UBR4: variants seen among roughly 807,000 people sequenced by gnomAD.
UBR4 encodes ubiquitin protein ligase E3 component n-recognin 4, also known as E3 ubiquitin-protein ligase UBR4.
UBR4 carries 124 observed loss-of-function variants against 575.6 expected under a neutral mutation model. The observed-to-expected ratio is 0.22, with a 90% CI of 0.19 to 0.25. The LOEUF (loss-of-function observed/expected upper bound fraction) is 0.25, where lower values mean the gene tolerates loss of function less well. UBR4 is among the 10% of genes least tolerant of loss of function. UBR4 has a pLI of 1.00. For missense variants in UBR4, 4,818 were observed against 6,478.8 expected (o/e 0.74, Z 8.80); for synonymous variants, 2,455 against 2,473.7 (o/e 0.99, Z 0.22).
chr1:19,154,778 T>C lies in UBR4; in HGVS notation c.6458+140A>G, dbSNP rs912994015. The stretch of plus-strand genomic sequence containing the variant: ...CCCGGATGTTCCTTGATTTTAAAGA[T>C]ACCTAGCAGGGGAGAAAAAAAGGTT... On this transcript the variant is annotated intron_variant, in intron 44 of 105. Transcript: ENST00000375254. 48 of 1,214,410 alleles carry C rather than the reference T, an allele frequency of 4.0e-5. No individual in the cohort carries two copies. The Middle Eastern group carries it at 1.5e-3, about 37-fold the overall frequency. The allele number at this position is 1,214,410 out of a possible 1,614,324, so 75.2% of individuals were successfully genotyped here.
Position 19,164,839 on chromosome 1 carries a change from G to A in UBR4, c.4471C>T (p.Leu1491=), listed in dbSNP as rs768937780. ...ATGTATGTGGTCAGTAACTGCAGCA[G>A]CTGCCGGTTCTCCTGAATTACATCC... The part of the protein sequence containing the change: ...QLDVIQENRQ[L]LQLLTTYIVR... The change falls in exon 32 of 106, where the codon CTG becomes TTG. Residue 1491 remains leucine (L), a synonymous_variant. Transcript: ENST00000375254. 6.2e-7 allele frequency: 1 copy of A among 1,614,230 alleles called. No homozygotes were observed. Among genetic ancestry groups the A allele is most frequent in the South Asian group, 1.1e-5 (1 of 91,084 alleles).
At chr1:19,156,669 C>T in intron 41 of UBR4, 98 bp downstream of exon 41, 1 of 1,488,900 alleles carries the variant, frequency 6.7e-7, no homozygotes, top group Admixed American at 2.3e-5. Context: ...AAATTTTAAT[C>T]TCCACAACGA....
intron 102 of UBR4, among the ~76,000 whole-genome samples, chr1:19,082,392 A>G (rs901050804): frequency 6.6e-6 from 1 of 152,266 alleles, no homozygotes; most frequent in African/African-American, 2.4e-5. Context: ...CATCGTGGAA[A>G]AAACTGTGTT....
chr1:19,106,704 G>A lies in UBR4; in HGVS notation c.12258C>T (p.Ala4086=), dbSNP rs1178852426. The A allele has an allele frequency of 6.2e-7, 1 of 1,602,478 alleles. No homozygotes were observed. Among genetic ancestry groups the A allele is most frequent in the Non-Finnish European group, 8.5e-7 (1 of 1,173,612 alleles). Residue 4086 remains alanine (A), a synonymous_variant, in exon 83 of 106, where the codon GCC becomes GCT. Transcript: ENST00000375254. ...GATGGCGGAGCTCTGATTTGCTGGG[G>A]GCTTTCCCATTGCCATCTATCCCTG... ...PIRGIDGNGK[A]PSKSELRHLY... is the part of the protein sequence containing the mutation.
chr1:19,120,789 G>C (rs2081089167), intron 68 of UBR4, among the ~76,000 whole-genome samples: 1 of 152,186 alleles, frequency 6.6e-6, no homozygotes, highest in African/African-American at 2.4e-5. Flanking sequence ...AGGTCTCCAA[G>C]GACCATGGAA....
At chr1:19,105,562 GACC>G (rs1353526439) in intron 84 of UBR4, among the ~76,000 whole-genome samples, 168 bp downstream of exon 84, 2 of 152,066 alleles carry the variant, frequency 1.3e-5, no homozygotes, top group African/African-American at 2.4e-5. Context: ...TCACCACAAC[GACC>G]ACCACCACTA....
In UBR4 at chr1:19,165,250, C is replaced by T. The variant is rs1471070993; in HGVS notation, c.4311G>A (p.Leu1437=). The T allele has an allele frequency of 6.2e-7, 1 of 1,613,412 alleles. No individual in the cohort carries two copies. The change falls in exon 31 of 106, where the codon CTG becomes CTA. Residue 1437 remains leucine (L), a splice_region_variant and synonymous_variant. Coordinates refer to ENST00000375254, the MANE Select transcript of UBR4 (RefSeq NM_020765.3). ...AGATTACTAAAAGCTGTCACTCACT[C>T]AGCTGGAAGAGTTTGGTGAAGAATT... The part of the protein sequence containing the change: ...VLKFFTKLFQ[L]TEKSPNPSLL...
In UBR4 at chr1:19,210,095, G is replaced by A; in HGVS notation, c.154C>T (p.Leu52=). ...SAFEMKELPQ[L]VASVIESESE... ...TACCTCTCGATGACTGAGGCCACCA[G>A]CTGCGGCAACTCCTTCATCTCGAAG... The change falls in exon 1 of 106, where the codon CTG becomes TTG. Residue 52 remains leucine (L), a synonymous_variant. Transcript: ENST00000375254. 1 of 1,578,142 alleles carries A rather than the reference G, an allele frequency of 6.3e-7. No individual in the cohort carries two copies. The highest frequency in any genetic ancestry group is 8.6e-7 in the Non-Finnish European group (1 of 1,164,928).
At chr1:19,095,985 T>G (rs2077999892) in intron 92 of UBR4, 2 of 260,348 alleles carry the variant, frequency 7.7e-6, no homozygotes, top group Non-Finnish European at 1.5e-5. Flanking sequence ...GTAAAGAAAA[T>G]GATCCCAAAG....
chr1:19,160,879 ACT>A, intron 38 of UBR4, 36 bp downstream of exon 38: 3 of 1,601,012 alleles, frequency 1.9e-6, no homozygotes, highest in Non-Finnish European at 2.6e-6. Flanking sequence ...CAGGCTCTGA[ACT>A]CTGTCTGCTT....
chr1:19,130,600 G>A (rs990678558), intron 60 of UBR4, among the ~76,000 whole-genome samples: 2 of 152,222 alleles, frequency 1.3e-5, no homozygotes, highest in Non-Finnish European at 2.9e-5. Context: ...AAAGGAATGA[G>A]CTAACTGTTC....
Position 19,192,283 on chromosome 1 carries a change from C to T in UBR4, c.1299G>A (p.Gly433=), listed in dbSNP as rs2092145805. 1 of 1,614,040 alleles carries T rather than the reference C, an allele frequency of 6.2e-7. No individual in the cohort carries two copies. Among genetic ancestry groups the T allele is most frequent in the Non-Finnish European group, 8.5e-7 (1 of 1,180,040 alleles). ...GGGCAGCCAGTGGGTCCTTCTCTTT[C>T]CCCTTATCAGCCAACGCAGTAGGAC... The part of the protein sequence containing the change: ...NLSPTALADK[G]KEKDPLAALR... Residue 433 remains glycine (G), a synonymous_variant, in exon 11 of 106, where the codon GGG becomes GGA. Coordinates refer to ENST00000375254, the MANE Select transcript of UBR4 (RefSeq NM_020765.3).
At position 19,086,157 on chromosome 1, in the gene UBR4, G is replaced by C; in HGVS notation, c.14801C>G (p.Thr4934Ser). Residue 4934 changes from threonine (T) to serine (S), a missense_variant, in exon 101 of 106, where the codon ACT (threonine) becomes AGT (serine). Physicochemically the swap from Thr to Ser is moderately conservative, Grantham distance 58. Around this residue, in one of 29 missense-constraint regions of UBR4, gnomAD observed 196 missense variants for 386.8 expected, o/e 0.51. Transcript: ENST00000375254. Reference protein sequence around the residue: ...GPHVPESAFATCLARHNTYLQ... With the variant: ...GPHVPESAFASCLARHNTYLQ... The stretch of plus-strand genomic sequence containing the variant: ...ACTCAACACTCACCTTGCCAAGCAA[G>C]TGGCAAAAGCTGATTCAGGGACATG... The C allele has an allele frequency of 6.2e-7, 1 of 1,613,964 alleles. No homozygotes were observed. The highest frequency in any genetic ancestry group is 8.5e-7 in the Non-Finnish European group (1 of 1,180,008).
At chr1:19,200,965 G>C (rs998389043) in intron 2 of UBR4, among the ~76,000 whole-genome samples, 5 of 152,154 alleles carry the variant, frequency 3.3e-5, no homozygotes, top group African/African-American at 1.2e-4. Context: ...GCAACATAGA[G>C]AGACCCTGTC....
At chr1:19,096,113 A>T (rs2078014271) in intron 92 of UBR4, among the ~76,000 whole-genome samples, 1 of 152,190 alleles carries the variant, frequency 6.6e-6, no homozygotes, top group African/African-American at 2.4e-5. Context: ...AGTGAAAATA[A>T]CAGTGTAGTA....
chr1:19,198,007 A>C lies in UBR4; in HGVS notation c.691T>G (p.Ser231Ala). The C allele has an allele frequency of 6.2e-7, 1 of 1,614,144 alleles. No homozygotes were observed. Among genetic ancestry groups the C allele is most frequent in the Non-Finnish European group, 8.5e-7 (1 of 1,180,044 alleles). ...NDEQSSTDQA[S>A]AIKTKNVFIA... The stretch of plus-strand genomic sequence containing the variant: ...AACACATTCTTGGTTTTGATAGCTG[A>C]GGCTTGATCTGTAGATGACTGCTCA... The change falls in exon 6 of 106, where the codon TCA becomes GCA. Residue 231 changes from serine (S) to alanine (A), a missense_variant. Coordinates refer to ENST00000375254, the MANE Select transcript of UBR4 (RefSeq NM_020765.3).
At chr1:19,105,019 G>A in intron 85 of UBR4, 29 bp downstream of exon 85, 1 of 1,608,128 alleles carries the variant, frequency 6.2e-7, no homozygotes, top group South Asian at 1.1e-5. Context: ...ATTAGGGAAG[G>A]GGCTCTCTTG....
At position 19,101,541 on chromosome 1, in the gene UBR4, C is replaced by T; in HGVS notation, c.13002G>A (p.Arg4334=). ...DYRTPVFIFE[R]LCSIIYPEEN... ...TTACAGGATAAATGATGCTGCAGAG[C>T]CTCTCGAAGATGAACACCGGGGTCC... Residue 4334 remains arginine, a synonymous_variant, in exon 88 of 106, where the codon AGG becomes AGA. Coordinates refer to ENST00000375254, the MANE Select transcript of UBR4 (RefSeq NM_020765.3). The T allele has an allele frequency of 6.2e-7, 1 of 1,613,744 alleles. No individual in the cohort carries two copies. Among genetic ancestry groups the T allele is most frequent in the Non-Finnish European group, 8.5e-7 (1 of 1,179,748 alleles).
At position 19,100,287 on chromosome 1, in the gene UBR4, CA is replaced by C; in HGVS notation, c.13221+88del. ...TGAAGGCCACCTGCCCCAAGTTAAT[CA>C]GCTACTAGGAAGAAGCACCTGGATT... is the stretch of plus-strand genomic sequence containing the variant. On this transcript the variant is annotated intron_variant, in intron 89 of 105. Coordinates refer to ENST00000375254, the MANE Select transcript of UBR4 (RefSeq NM_020765.3). The surrounding 1 kb of genome is among the most constrained non-coding windows in gnomAD (Gnocchi z 4.2). 1.4e-6 allele frequency: 2 copies of C among 1,446,398 alleles called. No homozygotes were observed. 89.6% of individuals were successfully genotyped at this position (1,446,398 alleles called of 1,614,324 possible). A position where few individuals can be genotyped will look rare whatever the true frequency, so the allele number is the denominator to read the frequency against.
Sources: gnomAD v4.1 joint callset for allele counts (sites outside exome capture counted in the v4.1 genomes callset) on GRCh38, gnomAD v4.1.1 for gene constraint, gnomAD v4.1.1 regional missense constraint, Gnocchi (gnomAD v3.1) non-coding constraint, MANE v1.5 for transcripts, NCBI Gene and HGNC (gene_info 2026-07-23, HGNC 2026-07-21) for gene names.